Variants in GALNT13 observed in about 807,000 individuals in gnomAD.
GALNT13 encodes the protein UDP-GalNAc:polypeptide N-acetylgalactosaminyltransferase 13.
Under a neutral mutation model 64.2 loss-of-function variants are expected in GALNT13, and 28 were observed. The observed-to-expected ratio is 0.44, with a 90% CI of 0.32 to 0.60. GALNT13 has a LOEUF of 0.60. Ranked by LOEUF, GALNT13 falls within the 20% of genes least tolerant of loss-of-function variation. The pLI is 0.05. For missense variants in GALNT13, 577 were observed against 669.8 expected (o/e 0.86, Z 1.53); for synonymous variants, 214 against 224.6 (o/e 0.95, Z 0.42).
At chr2:153,547,519 A>G in the GALNT13 span, among the ~76,000 whole-genome samples, 2 of 152,334 alleles carry the variant, frequency 1.3e-5, no homozygotes, top group Non-Finnish European at 1.5e-5. Context: ...CCACAGGTAG[A>G]GTCTTAATAT....
chr2:153,998,595 G>C (rs534811250), intron 3 of GALNT13, among the ~76,000 whole-genome samples: 1 of 152,242 alleles, frequency 6.6e-6, no homozygotes, highest in Middle Eastern at 3.4e-3. Flanking sequence ...TCTGTAGGTT[G>C]CCTGTTCACT....
intron 3 of GALNT13, among the ~76,000 whole-genome samples, chr2:154,040,085 C>T (rs1454897879): frequency 1.4e-5 from 2 of 140,892 alleles, no homozygotes; most frequent in African/African-American, 4.9e-5. Context: ...TCAATGCCTA[C>T]TACATATCTG....
intron 4 of GALNT13, among the ~76,000 whole-genome samples, chr2:154,157,762 C>T (rs13024945): frequency 0.18 from 27,853 of 152,054 alleles, 3,334 homozygotes; most frequent in Non-Finnish European, 0.26. Context: ...TTGCTATTGC[C>T]GAGGTCACTA....
the GALNT13 span, among the ~76,000 whole-genome samples, chr2:153,629,646 TG>T: frequency 6.6e-6 from 1 of 151,928 alleles, no homozygotes; most frequent in Admixed American, 6.6e-5. Flanking sequence ...AATTGACAAA[TG>T]GGATCTAATT....
At chr2:154,162,089 T>G (rs1684765954) in intron 4 of GALNT13, among the ~76,000 whole-genome samples, 1 of 152,158 alleles carries the variant, frequency 6.6e-6, no homozygotes, top group African/African-American at 2.4e-5. Context: ...CACAAGTGTA[T>G]TTTTTTCTTT....
intron 3 of GALNT13, among the ~76,000 whole-genome samples, chr2:154,015,656 T>C (rs1489416580): frequency 1.3e-5 from 2 of 152,212 alleles, no homozygotes; most frequent in Non-Finnish European, 2.9e-5. Flanking sequence ...ACTTTAATTA[T>C]ACTATGTTTG....
chr2:153,767,410 G>A, the GALNT13 span, among the ~76,000 whole-genome samples: 2 of 152,090 alleles, frequency 1.3e-5, no homozygotes, highest in Admixed American at 6.6e-5. Context: ...TGCAATGAAT[G>A]TATGAGTGCA....
the GALNT13 span, among the ~76,000 whole-genome samples, chr2:153,483,410 C>CTT: frequency 5.3e-4 from 38 of 71,746 alleles, no homozygotes; most frequent in Non-Finnish European, 5.5e-4. Flanking sequence ...GAATAAAATT[C>CTT]TTTTTTTTTT....
At chr2:154,258,747 A>G (rs1452556153) in intron 7 of GALNT13, among the ~76,000 whole-genome samples, 2 of 151,938 alleles carry the variant, frequency 1.3e-5, no homozygotes, top group Non-Finnish European at 2.9e-5. Context: ...TTCAGAGGGA[A>G]TATAGAAGTA....
intron 8 of GALNT13, among the ~76,000 whole-genome samples, chr2:154,268,624 C>G (rs573662680): frequency 1.1e-4 from 17 of 151,860 alleles, no homozygotes; most frequent in African/African-American, 1.9e-4. Flanking sequence ...CACACACACA[C>G]AGAGAGAGAG....
chr2:153,653,271 C>G, the GALNT13 span, among the ~76,000 whole-genome samples: 1 of 152,106 alleles, frequency 6.6e-6, no homozygotes, highest in Admixed American at 6.6e-5. Flanking sequence ...TCAAGCTCAG[C>G]AAAGCTTCAG....
chr2:153,093,458 C>T, the GALNT13 span, among the ~76,000 whole-genome samples: 677 of 151,988 alleles, frequency 4.5e-3, 1 homozygote, highest in African/African-American at 0.015. Flanking sequence ...AGGCTGGTCT[C>T]GAACTCCTGA....
the GALNT13 span, among the ~76,000 whole-genome samples, chr2:153,197,988 C>T: frequency 4.6e-5 from 7 of 152,156 alleles, no homozygotes; most frequent in Non-Finnish European, 1.0e-4. Context: ...TACACTGTAC[C>T]TCCCTTGGCC....
At chr2:153,827,543 A>T in the GALNT13 span, among the ~76,000 whole-genome samples, 1 of 150,242 alleles carries the variant, frequency 6.7e-6, no homozygotes, top group African/African-American at 2.4e-5. Context: ...GGAGAATGGC[A>T]TGAACCCGGG....
the GALNT13 span, among the ~76,000 whole-genome samples, chr2:153,475,428 T>C: frequency 6.6e-6 from 1 of 152,132 alleles, no homozygotes; most frequent in Non-Finnish European, 1.5e-5. Flanking sequence ...ATGTGGATAG[T>C]TGAGATAAAG....
At chr2:153,629,050 C>A in the GALNT13 span, among the ~76,000 whole-genome samples, 2 of 152,054 alleles carry the variant, frequency 1.3e-5, no homozygotes, top group Non-Finnish European at 1.5e-5. Context: ...TTCAGAGATT[C>A]AAATTCTTCC....
At chr2:153,627,603 AT>A in the GALNT13 span, among the ~76,000 whole-genome samples, 1 of 152,202 alleles carries the variant, frequency 6.6e-6, no homozygotes, top group South Asian at 2.1e-4. Flanking sequence ...TGCAAAAATA[AT>A]TGCAGTTTTT....
the GALNT13 span, among the ~76,000 whole-genome samples, chr2:153,242,283 C>G: frequency 6.6e-6 from 1 of 152,024 alleles, no homozygotes; most frequent in Non-Finnish European, 1.5e-5. Context: ...ATTGAGCTTC[C>G]CACCCACACC....
the GALNT13 span, among the ~76,000 whole-genome samples, chr2:153,440,563 A>G: frequency 6.6e-6 from 1 of 152,184 alleles, no homozygotes; most frequent in African/African-American, 2.4e-5. Context: ...CCACACTCCC[A>G]CCAACAGTGT....
Sources: allele counts gnomAD v4.1 joint callset (sites outside exome capture counted in the v4.1 genomes callset), GRCh38; gene constraint gnomAD v4.1.1; transcripts MANE v1.5; gene names NCBI Gene and HGNC (gene_info 2026-07-23, HGNC 2026-07-21).